Variants in RPS6KA2 observed in about 807,000 individuals in gnomAD.
RPS6KA2 encodes ribosomal protein S6 kinase alpha-2.
A neutral mutation model predicts 91.8 loss-of-function variants in RPS6KA2; 42 were observed. The observed-to-expected ratio is 0.46, with a 90% CI of 0.36 to 0.59. The LOEUF (loss-of-function observed/expected upper bound fraction) is 0.59, where lower values mean the gene tolerates loss of function less well. RPS6KA2 is among the 20% of genes least tolerant of loss of function. The pLI is 0.00. For missense variants in RPS6KA2, 798 were observed against 978.5 expected (o/e 0.82, Z 2.46); for synonymous variants, 414 against 393.6 (o/e 1.05, Z -0.61).
intron 1 of RPS6KA2, among the ~76,000 whole-genome samples, chr6:166,574,450 G>A (rs1208466416): frequency 6.6e-6 from 1 of 152,216 alleles, no homozygotes; most frequent in African/African-American, 2.4e-5. Flanking sequence ...TTGGGATAAT[G>A]ACCTCCAGCT....
At chr6:166,417,189 C>A (rs1778562825) in intron 19 of RPS6KA2, among the ~76,000 whole-genome samples, 1 of 152,184 alleles carries the variant, frequency 6.6e-6, no homozygotes, top group Non-Finnish European at 1.5e-5. Flanking sequence ...TTTACAAGAA[C>A]AGAAGTATAC....
chr6:166,780,837 C>T (rs1456899805), intron 2 of RPS6KA2, among the ~76,000 whole-genome samples: 1 of 152,208 alleles, frequency 6.6e-6, no homozygotes, highest in East Asian at 1.9e-4. Context: ...GGTTGGATTA[C>T]ACAGATGTGG....
At chr6:166,853,990 A>G (rs1301189172) in intron 2 of RPS6KA2, among the ~76,000 whole-genome samples, 2 of 152,206 alleles carry the variant, frequency 1.3e-5, no homozygotes, top group Non-Finnish European at 2.9e-5. Context: ...CGCTATACTG[A>G]GCCCCTTCAA....
intron 1 of RPS6KA2, among the ~76,000 whole-genome samples, chr6:166,594,768 C>T (rs1360681279): frequency 2.6e-5 from 4 of 152,134 alleles, no homozygotes; most frequent in African/African-American, 7.2e-5. Context: ...AGCCCAAACA[C>T]ACAGATTTTT....
At chr6:166,602,902 G>A (rs1785801893) in intron 1 of RPS6KA2, among the ~76,000 whole-genome samples, 1 of 152,150 alleles carries the variant, frequency 6.6e-6, no homozygotes, top group Non-Finnish European at 1.5e-5. Context: ...TTTGAAAAGG[G>A]CTCAAGTCAA....
upstream of RPS6KA2, chr6:166,627,354 G>A: frequency 8.0e-6 from 3 of 376,856 alleles, no homozygotes; most frequent in Non-Finnish European, 1.1e-5. Context: ...CTCCTCCTCC[G>A]CCCCGCCCCG....
At chr6:166,673,692 A>G (rs938973245) in intron 2 of RPS6KA2, among the ~76,000 whole-genome samples, 7 of 152,226 alleles carry the variant, frequency 4.6e-5, no homozygotes, top group African/African-American at 1.7e-4. Context: ...GTGGCCCAAC[A>G]CAAATTTGTA....
chr6:166,738,187 CA>C (rs1790721371), intron 2 of RPS6KA2, among the ~76,000 whole-genome samples: 2 of 152,250 alleles, frequency 1.3e-5, no homozygotes, highest in Admixed American at 1.3e-4. Context: ...AGGTTATCTC[CA>C]GTTCATTATT....
At chr6:166,775,746 G>A (rs2128608483) in intron 2 of RPS6KA2, among the ~76,000 whole-genome samples, 1 of 152,364 alleles carries the variant, frequency 6.6e-6, no homozygotes, top group East Asian at 1.9e-4. Context: ...TCTAGATAAA[G>A]CGCGGTGGAA....
chr6:166,774,553 T>C (rs1208060127), intron 2 of RPS6KA2, among the ~76,000 whole-genome samples: 1 of 152,120 alleles, frequency 6.6e-6, no homozygotes, highest in African/African-American at 2.4e-5. Flanking sequence ...CTACGGACCA[T>C]GGTAGGGAGC....
In RPS6KA2 at chr6:166,557,533, G is replaced by A. The variant is rs1001913767; in HGVS notation, c.100-18749C>T. Among the ~76,000 whole-genome samples the A allele has an allele frequency of 6.6e-6, 1 of 152,194 alleles. No homozygotes were observed. Among genetic ancestry groups the A allele is most frequent in the South Asian group, 2.1e-4 (1 of 4,826 alleles). ...TCCCATAATCCTAATTGAGTGATAT[G>A]GTCTGGCCTTAGAGTTTCTCTGGCA... On this transcript the variant is annotated intron_variant, in intron 1 of 20. Coordinates refer to ENST00000265678, the MANE Select transcript of RPS6KA2 (RefSeq NM_021135.6). This position sits in a 1 kb window ranked among gnomAD's most constrained non-coding sequence, Gnocchi z 4.8.
chr6:166,701,463 G>T, intron 2 of RPS6KA2: 2 of 1,160,798 alleles, frequency 1.7e-6, no homozygotes, highest in Non-Finnish European at 2.6e-6. Flanking sequence ...GTGATCCAGC[G>T]ATCATCACCA....
Position 166,508,978 on chromosome 6 carries a change from G to A in RPS6KA2, c.380-696C>T, listed in dbSNP as rs1782367483. Among the ~76,000 whole-genome samples the A allele has an allele frequency of 6.6e-6, 1 of 152,208 alleles. No individual in the cohort carries two copies. Among genetic ancestry groups the A allele is most frequent in the African/African-American group, 2.4e-5 (1 of 41,446 alleles). On this transcript the variant is annotated intron_variant, in intron 4 of 20. Transcript: ENST00000265678. This position sits in a 1 kb window ranked among gnomAD's most constrained non-coding sequence, Gnocchi z 4.3. ...AGCCCGTCACCATCGCTGCTGTGAC[G>A]ATGGTTGCTGCAGTGGCACTGGTGA...
intron 1 of RPS6KA2, among the ~76,000 whole-genome samples, chr6:166,566,375 C>G (rs1253792147): frequency 6.6e-6 from 1 of 152,234 alleles, no homozygotes; most frequent in Non-Finnish European, 1.5e-5. Context: ...GACACCTGAG[C>G]CCTGCCAGCC....
rs1272697763 is a variant in RPS6KA2 at position 166,459,860 on chromosome 6, T to C, written c.973-309A>G. 2.0e-5 allele frequency among the ~76,000 whole-genome samples: 3 copies of C among 152,222 alleles called. No homozygotes were observed. Among genetic ancestry groups the C allele is most frequent in the Admixed American group, 2.0e-4 (3 of 15,278 alleles). Reference sequence around the variant, plus strand: ...GTTCTTCATTTTAGGGCAATAGTTTTCTAGCTTCTTCTTGGTAGTAGAATC... The same window carrying C: ...GTTCTTCATTTTAGGGCAATAGTTTCCTAGCTTCTTCTTGGTAGTAGAATC... On this transcript the variant is annotated intron_variant, in intron 11 of 20. Transcript: ENST00000265678. The surrounding 1 kb of genome is among the most constrained non-coding windows in gnomAD (Gnocchi z 4.9).
Position 166,815,756 on chromosome 6 carries a change from G to T in RPS6KA2, c.123+42444C>A, listed in dbSNP as rs145020847. ...TAAAAGGAAAAATTTCAAAAGAATT[G>T]CCGGTTGAAGATGGATAGAATGAAC... is the stretch of plus-strand genomic sequence containing the variant. On this transcript the variant is annotated intron_variant, in intron 2 of 21. Coordinates refer to the RPS6KA2 transcript ENST00000503859. Among the ~76,000 whole-genome samples the T allele has an allele frequency of 8.5e-5, 13 of 152,316 alleles. No individual in the cohort carries two copies. In the East Asian group the frequency reaches 2.5e-3, roughly 29 times the overall value.
intron 2 of RPS6KA2, among the ~76,000 whole-genome samples, chr6:166,645,560 G>A (rs1787580101): frequency 6.6e-6 from 1 of 152,132 alleles, no homozygotes; most frequent in Non-Finnish European, 1.5e-5. Flanking sequence ...ACTCCTGGGA[G>A]GTCTGCCCTG....
intron 2 of RPS6KA2, among the ~76,000 whole-genome samples, chr6:166,676,768 G>A (rs962184713): frequency 1.6e-4 from 24 of 152,274 alleles, no homozygotes; most frequent in African/African-American, 4.6e-4. Flanking sequence ...ACATATTCAC[G>A]CTCAACCAGA....
intron 2 of RPS6KA2, among the ~76,000 whole-genome samples, chr6:166,756,964 G>A (rs982806065): frequency 1.3e-4 from 20 of 152,314 alleles, no homozygotes; most frequent in South Asian, 8.3e-4. Flanking sequence ...AAAACGTCGC[G>A]GAGATGGCGG....
Sources: gnomAD v4.1 joint callset for allele counts (sites outside exome capture counted in the v4.1 genomes callset) on GRCh38, gnomAD v4.1.1 for gene constraint, Gnocchi (gnomAD v3.1) non-coding constraint, MANE v1.5 for transcripts, NCBI Gene and HGNC (gene_info 2026-07-23, HGNC 2026-07-21) for gene names.